Variants in PPM1L observed in about 807,000 individuals in gnomAD.
The protein encoded by PPM1L is protein phosphatase, Mg2+/Mn2+ dependent 1L, also known as protein phosphatase 1L.
PPM1L carries 13 observed loss-of-function variants against 31.4 expected under a neutral mutation model. The ratio of observed to expected loss-of-function variants is 0.41; its 90% CI spans 0.27 to 0.66. The LOEUF is 0.66. Among genes scored for constraint, PPM1L ranks in the 30% least tolerant of loss-of-function variants. The pLI, the probability that PPM1L is intolerant of heterozygous loss-of-function variation, is 0.29. For missense variants in PPM1L, 326 were observed against 453.7 expected, an observed-to-expected ratio of 0.72 and a Z score of 2.56; for synonymous variants, 184 against 175.4, an observed-to-expected ratio of 1.05 and a Z score of -0.39.
intron 2 of PPM1L, among the ~76,000 whole-genome samples, chr3:160,990,824 C>T (rs1042958902): frequency 1.2e-4 from 19 of 152,126 alleles, no homozygotes; most frequent in Admixed American, 5.9e-4. Flanking sequence ...TGGGATGTGA[C>T]GAAGTCTCTT....
chr3:160,763,336 A>G (rs1450861079), intron 1 of PPM1L, among the ~76,000 whole-genome samples: 3 of 152,172 alleles, frequency 2.0e-5, no homozygotes. Context: ...ACACAGAGTT[A>G]TGGGCAGTGT....
intron 1 of PPM1L, among the ~76,000 whole-genome samples, chr3:160,860,924 C>G (rs911544247): frequency 2.6e-5 from 4 of 152,116 alleles, no homozygotes; most frequent in Non-Finnish European, 4.4e-5. Flanking sequence ...CTAAAAAGCC[C>G]CACCTCCAAA....
chr3:160,859,018 G>C (rs1053026579), intron 1 of PPM1L, among the ~76,000 whole-genome samples: 1 of 152,146 alleles, frequency 6.6e-6, no homozygotes, highest in African/African-American at 2.4e-5. Flanking sequence ...GGGTGGGTAG[G>C]CAACCCAGAA....
chr3:160,834,138 C>T (rs1473382649), intron 1 of PPM1L, among the ~76,000 whole-genome samples: 3 of 151,760 alleles, frequency 2.0e-5, no homozygotes, highest in African/African-American at 7.3e-5. Context: ...ATTCTCCTGC[C>T]TCAGCCTCCC....
rs183192466 is a variant in PPM1L, at chr3:160,938,399, T to C, written c.400-23337T>C. On this transcript the variant is annotated intron_variant, in intron 1 of 3. Coordinates refer to ENST00000498165, the MANE Select transcript of PPM1L (RefSeq NM_139245.4). ...AATATGCTTCTATCCTTTAGGTTTATGGAGTTTAACCTTGCGAGATTACCA... is the reference window on the plus strand; with the variant it reads ...AATATGCTTCTATCCTTTAGGTTTACGGAGTTTAACCTTGCGAGATTACCA... Among the ~76,000 whole-genome samples the C allele has an allele frequency of 1.5e-3, 236 of 152,334 alleles. 1 individual carries two copies. The highest frequency in any genetic ancestry group is 8.5e-3 in the South Asian group (41 of 4,828).
chr3:160,928,167 T>C (rs1035848017), intron 1 of PPM1L, among the ~76,000 whole-genome samples: 2 of 152,228 alleles, frequency 1.3e-5, no homozygotes, highest in Non-Finnish European at 2.9e-5. Context: ...AGCTAAACTC[T>C]TGCTTTTTTG....
At chr3:160,945,491 T>A (rs1576733180) in intron 1 of PPM1L, among the ~76,000 whole-genome samples, 1 of 152,052 alleles carries the variant, frequency 6.6e-6, no homozygotes, top group African/African-American at 2.4e-5. Context: ...AATCTCAGGG[T>A]CAATCTAGGT....
chr3:160,996,343 T>G (rs547145923), intron 2 of PPM1L, among the ~76,000 whole-genome samples: 19 of 152,308 alleles, frequency 1.2e-4, no homozygotes, highest in African/African-American at 4.1e-4. Flanking sequence ...TGCACACACA[T>G]TTTAATAGCA....
At chr3:160,832,603 G>A (rs1439844257) in intron 1 of PPM1L, among the ~76,000 whole-genome samples, 2 of 152,000 alleles carry the variant, frequency 1.3e-5, no homozygotes, top group Admixed American at 6.6e-5. Context: ...TTGCAGAAAT[G>A]GCAGATAGAG....
At chr3:160,949,127 C>T (rs10513558) in intron 1 of PPM1L, among the ~76,000 whole-genome samples, 121,523 of 152,062 alleles carry the variant, frequency 0.8, 49,579 homozygotes, top group Middle Eastern at 0.91. Flanking sequence ...GTTGGAATAC[C>T]AGCCATGAAG....
intron 1 of PPM1L, among the ~76,000 whole-genome samples, chr3:160,936,447 A>G (rs550425323): frequency 1.1e-4 from 16 of 152,240 alleles, no homozygotes; most frequent in Non-Finnish European, 2.9e-5. Flanking sequence ...GATTCATTCA[A>G]CCCTAGGTAG....
At chr3:160,911,536 G>T (rs1253349209) in intron 1 of PPM1L, among the ~76,000 whole-genome samples, 3 of 152,170 alleles carry the variant, frequency 2.0e-5, no homozygotes, top group Non-Finnish European at 4.4e-5. Context: ...TATCCTTCTG[G>T]CCTATGACTT....
At chr3:160,821,138 A>G (rs921166476) in intron 1 of PPM1L, among the ~76,000 whole-genome samples, 3 of 152,012 alleles carry the variant, frequency 2.0e-5, no homozygotes, top group African/African-American at 7.2e-5. Flanking sequence ...TGGCCCTTGA[A>G]AGCACACATC....
At chr3:161,012,141 A>G (rs1717915924) in intron 2 of PPM1L, among the ~76,000 whole-genome samples, 1 of 152,064 alleles carries the variant, frequency 6.6e-6, no homozygotes, top group Admixed American at 6.6e-5. Context: ...TCAGTGTGAT[A>G]TTGGCTGTGG....
At chr3:160,895,619 CCCTCATA>C (rs900943445) in intron 1 of PPM1L, among the ~76,000 whole-genome samples, 19 of 152,188 alleles carry the variant, frequency 1.2e-4, no homozygotes, top group Middle Eastern at 6.8e-3. Flanking sequence ...TGGAATGTGA[CCCTCATA>C]GCAATTCTGA....
At chr3:160,933,220 A>G (rs1257634578) in intron 1 of PPM1L, among the ~76,000 whole-genome samples, 2 of 152,176 alleles carry the variant, frequency 1.3e-5, no homozygotes, top group Non-Finnish European at 2.9e-5. Context: ...GTTGATAGAA[A>G]TGGCACAGAA....
intron 1 of PPM1L, among the ~76,000 whole-genome samples, chr3:160,777,245 C>T (rs1711582783): frequency 6.6e-6 from 1 of 151,986 alleles, no homozygotes; most frequent in African/African-American, 2.4e-5. Context: ...TGCTTGAGCC[C>T]AGGAGTTTGA....
Position 161,065,508 on chromosome 3 carries a change from T to C in PPM1L, c.680T>C (p.Leu227Ser). The C allele has an allele frequency of 6.2e-7, 1 of 1,614,078 alleles. No individual in the cohort carries two copies. Among genetic ancestry groups the C allele is most frequent in the Non-Finnish European group, 8.5e-7 (1 of 1,179,970 alleles). Residue 227 changes from leucine (L) to serine (S), a missense_variant, in exon 3 of 4, where the codon TTG becomes TCG. Around this residue, in one of 3 missense-constraint regions of PPM1L, gnomAD observed 201 missense variants for 298.2 expected, o/e 0.67. Coordinates refer to ENST00000498165, the MANE Select transcript of PPM1L (RefSeq NM_139245.4). ...GACAAAGATGGGAACGCTATTCCTT[T>C]GTCTCATGATCACAAGCCTTACCAG... The part of the protein sequence containing the change: ...LCDKDGNAIP[L>S]SHDHKPYQLK...
At chr3:160,865,372 C>T (rs1712051353) in intron 1 of PPM1L, among the ~76,000 whole-genome samples, 1 of 152,066 alleles carries the variant, frequency 6.6e-6, no homozygotes, top group Non-Finnish European at 1.5e-5. Context: ...TTATTGTTGA[C>T]CTTAAGGTCT....
Sources: allele counts gnomAD v4.1 joint callset (sites outside exome capture counted in the v4.1 genomes callset), GRCh38; gene constraint gnomAD v4.1.1; regional missense constraint gnomAD v4.1.1; transcripts MANE v1.5; gene names NCBI Gene and HGNC (gene_info 2026-07-23, HGNC 2026-07-21).